The following ERGIC1 variants were observed in gnomAD, a reference collection of about 807,000 sequenced individuals.
ERGIC1 encodes endoplasmic reticulum-Golgi intermediate compartment protein 1.
Under a neutral mutation model 38.3 loss-of-function variants are expected in ERGIC1, and 19 were observed. The observed-to-expected ratio is 0.50, with a 90% CI of 0.35 to 0.73. The LOEUF (loss-of-function observed/expected upper bound fraction) is 0.73, where lower values mean the gene tolerates loss of function less well. ERGIC1 is among the 30% of genes least tolerant of loss of function. The pLI, the probability that ERGIC1 is intolerant of heterozygous loss-of-function variation, is 0.01. For synonymous variants in ERGIC1, 124 were observed against 157.6 expected, an observed-to-expected ratio of 0.79 and a Z score of 1.60; for missense variants, 294 against 389.2, an observed-to-expected ratio of 0.76 and a Z score of 2.06.
chr5:172,897,792 A>G (rs1762759300), intron 3 of ERGIC1: 5 of 413,702 alleles, frequency 1.2e-5, no homozygotes, highest in African/African-American at 2.1e-5. Flanking sequence ...GGTTGCTGAC[A>G]TCAGCGCCCG....
intron 3 of ERGIC1, chr5:172,905,431 T>A (rs748336762): frequency 1.3e-5 from 6 of 469,788 alleles, no homozygotes; most frequent in Non-Finnish European, 2.7e-5. Context: ...GACCTGGGGT[T>A]CTTGGCCTCA....
At chr5:172,903,961 T>TCACA (rs1209257149) in intron 3 of ERGIC1, among the ~76,000 whole-genome samples, 2 of 70,668 alleles carry the variant, frequency 2.8e-5, no homozygotes, top group Admixed American at 2.5e-4. Context: ...GAGATGAGTC[T>TCACA]CACACATACA....
At chr5:172,865,061 T>TC (rs1042710590) in intron 1 of ERGIC1, among the ~76,000 whole-genome samples, 1 of 147,886 alleles carries the variant, frequency 6.8e-6, no homozygotes, top group Non-Finnish European at 1.5e-5. Context: ...CTTTTTTTTT[T>TC]TTTTTTTTTT....
intron 1 of ERGIC1, among the ~76,000 whole-genome samples, chr5:172,888,318 G>A (rs1358969697): frequency 6.6e-6 from 1 of 152,104 alleles, no homozygotes; most frequent in Non-Finnish European, 1.5e-5. Flanking sequence ...AAATTAGCCA[G>A]GCATGGTGGC....
Position 172,834,763 on chromosome 5 carries a change from A to C in ERGIC1, c.20+330A>C, listed in dbSNP as rs1420207722. Among the ~76,000 whole-genome samples the C allele has an allele frequency of 1.3e-5, 2 of 150,648 alleles. No homozygotes were observed. Among genetic ancestry groups the C allele is most frequent in the African/African-American group, 4.9e-5 (2 of 40,822 alleles). On this transcript the variant is annotated intron_variant, in intron 1 of 9. Coordinates refer to ENST00000393784, the MANE Select transcript of ERGIC1 (RefSeq NM_001031711.3). This position sits in a 1 kb window ranked among gnomAD's most constrained non-coding sequence, Gnocchi z 4.1. ...CTCCCAGATGGGAACAGCCCATAAC[A>C]CCCCAGCATCCCTCTCCTCCCTCTA...
intron 1 of ERGIC1, among the ~76,000 whole-genome samples, chr5:172,875,609 T>C (rs1045163871): frequency 1.3e-5 from 2 of 152,206 alleles, no homozygotes; most frequent in African/African-American, 4.8e-5. Flanking sequence ...CTGTGGGCTT[T>C]CTTGAGACAG....
chr5:172,834,856 G>A lies in ERGIC1; in HGVS notation c.20+423G>A, dbSNP rs977679051. ...CAGGGCACCTGGAATGAGTCCGGAG[G>A]GGCCTGGGGCCCCATGCAGCCTGCC... On this transcript the variant is annotated intron_variant, in intron 1 of 9. Coordinates refer to ENST00000393784, the MANE Select transcript of ERGIC1 (RefSeq NM_001031711.3). This position sits in a 1 kb window ranked among gnomAD's most constrained non-coding sequence, Gnocchi z 4.1. Among the ~76,000 whole-genome samples, 3 of 152,178 alleles carry A rather than the reference G, an allele frequency of 2.0e-5. No individual in the cohort carries two copies. Among genetic ancestry groups the A allele is most frequent in the Non-Finnish European group, 2.9e-5 (2 of 68,034 alleles).
chr5:172,947,488 G>A (rs564510528), intron 9 of ERGIC1, among the ~76,000 whole-genome samples: 4 of 152,142 alleles, frequency 2.6e-5, no homozygotes, highest in Non-Finnish European at 5.9e-5. Flanking sequence ...TCTCAGCTTT[G>A]AGGAAACCCC....
At chr5:172,838,083 C>A (rs560469098) in intron 1 of ERGIC1, among the ~76,000 whole-genome samples, 1 of 152,332 alleles carries the variant, frequency 6.6e-6, no homozygotes, top group South Asian at 2.1e-4. Flanking sequence ...GCTCTGGGAC[C>A]ATTGACTTCC....
Position 172,893,935 on chromosome 5 carries a change from G to GTGTA in ERGIC1, c.83-3066_83-3065insGTAT, listed in dbSNP as rs1429850022. On this transcript the variant is annotated intron_variant, in intron 2 of 9. Transcript: ENST00000393784. ...TGTGTGTGTGTGTGTGTGTGTGTGTGTATATATATATATATATATTTAAAT... is the reference window on the plus strand; with the variant it reads ...TGTGTGTGTGTGTGTGTGTGTGTGTGTGTATATATATATATATATATATTTAAAT... 1.3e-3 allele frequency among the ~76,000 whole-genome samples: 57 copies of GTGTA among 42,816 alleles called. 2 individuals carry two copies. The highest frequency in any genetic ancestry group is 3.0e-3 in the African/African-American group (36 of 12,038). The allele number at this position is 42,816 out of a possible 152,430, so 28.1% of individuals were successfully genotyped here. A position where few individuals can be genotyped will look rare whatever the true frequency, so the allele number is the denominator to read the frequency against.
chr5:172,918,790 G>A (rs1289037557), intron 5 of ERGIC1, among the ~76,000 whole-genome samples: 1 of 152,204 alleles, frequency 6.6e-6, no homozygotes, highest in Non-Finnish European at 1.5e-5. Context: ...GGGGGTTGGT[G>A]GGGGACCTCT....
chr5:172,854,048 G>A (rs1234054858), intron 1 of ERGIC1, among the ~76,000 whole-genome samples: 1 of 152,210 alleles, frequency 6.6e-6, no homozygotes, highest in Non-Finnish European at 1.5e-5. Context: ...AGTTTCACAG[G>A]ATGGTGAATC....
In ERGIC1 at chr5:172,860,441, C is replaced by T. The variant is rs1761667214; in HGVS notation, c.20+26008C>T. ...CCAAGGCACAGAGAAGTTATTTAACCTGCCCAGCGTTGCCTGAGCCAGGGC... is the reference window on the plus strand; with the variant it reads ...CCAAGGCACAGAGAAGTTATTTAACTTGCCCAGCGTTGCCTGAGCCAGGGC... On this transcript the variant is annotated intron_variant, in intron 1 of 9. Transcript: ENST00000393784. Among the ~76,000 whole-genome samples the T allele has an allele frequency of 2.0e-5, 3 of 152,250 alleles. No individual in the cohort carries two copies. In the South Asian group the frequency reaches 6.2e-4, roughly 32 times the overall value.
chr5:172,886,910 T>C (rs1413595905), intron 1 of ERGIC1, among the ~76,000 whole-genome samples: 1 of 152,124 alleles, frequency 6.6e-6, no homozygotes, highest in Non-Finnish European at 1.5e-5. Flanking sequence ...TGAGTAAATA[T>C]GGACAGGTGA....
At chr5:172,946,707 G>A (rs1302322017) in intron 9 of ERGIC1, among the ~76,000 whole-genome samples, 1 of 152,186 alleles carries the variant, frequency 6.6e-6, no homozygotes, top group East Asian at 1.9e-4. Context: ...TCAGAATCCA[G>A]GAAGTGCCAG....
chr5:172,904,099 C>T (rs2113348656), intron 3 of ERGIC1, among the ~76,000 whole-genome samples: 1 of 152,288 alleles, frequency 6.6e-6, no homozygotes, highest in Non-Finnish European at 1.5e-5. Context: ...AATCTTTATC[C>T]TTATTTTCCT....
intron 3 of ERGIC1, among the ~76,000 whole-genome samples, chr5:172,899,224 G>C (rs1251882759): frequency 6.6e-6 from 1 of 151,784 alleles, no homozygotes; most frequent in Non-Finnish European, 1.5e-5. Context: ...AGGTCAAAGT[G>C]AGCAAGCGGA....
At chr5:172,858,504 A>G (rs1031788340) in intron 1 of ERGIC1, among the ~76,000 whole-genome samples, 2 of 152,194 alleles carry the variant, frequency 1.3e-5, no homozygotes, top group Non-Finnish European at 2.9e-5. Flanking sequence ...CGCTAGAGGA[A>G]CAACTCACAA....
chr5:172,857,154 AATTAG>A (rs1207259987), intron 1 of ERGIC1, among the ~76,000 whole-genome samples: 1 of 152,172 alleles, frequency 6.6e-6, no homozygotes, highest in Non-Finnish European at 1.5e-5. Context: ...ATGTATCTTA[AATTAG>A]GAATAAGGGG....
Sources: gnomAD v4.1 joint callset for allele counts (sites outside exome capture counted in the v4.1 genomes callset) on GRCh38, gnomAD v4.1.1 for gene constraint, Gnocchi (gnomAD v3.1) non-coding constraint, MANE v1.5 for transcripts, NCBI Gene and HGNC (gene_info 2026-07-23, HGNC 2026-07-21) for gene names.